PCDHA2: variants seen among roughly 807,000 people sequenced by gnomAD.
PCDHA2 encodes the protein protocadherin alpha-2.
In PCDHA2, 58 loss-of-function variants were observed where a neutral mutation model predicts 66.0. That is an observed-to-expected ratio of 0.88 (90% CI 0.71 to 1.09). The LOEUF is 1.09. Ranked by LOEUF, PCDHA2 falls within the 50% of genes least tolerant of loss-of-function variation. The pLI is 0.00. For missense variants in PCDHA2, 1,267 were observed against 1,242.3 expected (o/e 1.02, Z -0.30); for synonymous variants, 634 against 554.0 (o/e 1.14, Z -2.03).
At chr5:140,870,318 G>C in intron 1 of PCDHA2, 1 of 1,614,178 alleles carries the variant, frequency 6.2e-7, no homozygotes, top group Non-Finnish European at 8.5e-7. Flanking sequence ...ATTACTACTC[G>C]TTGGTGCTGG....
At chr5:140,809,613 TTTCTC>T in intron 1 of PCDHA2, 1 of 1,520,660 alleles carries the variant, frequency 6.6e-7, no homozygotes, top group Non-Finnish European at 8.8e-7. Flanking sequence ...TCGTATTGTT[TTTCTC>T]TATCAACTTC....
At position 140,942,589 on chromosome 5, in the gene PCDHA2, T is replaced by A. The variant is rs1444015331; in HGVS notation, c.2389-36360T>A. On this transcript the variant is annotated intron_variant, in intron 1 of 3. Coordinates refer to ENST00000526136, the MANE Select transcript of PCDHA2 (RefSeq NM_018905.3). ...AAATCTTCCCATATAGGATGTCACA[T>A]ATAATTATAGTGTTTATATTTGCCA... Among the ~76,000 whole-genome samples, 4 of 148,934 alleles carry A rather than the reference T, an allele frequency of 2.7e-5. No homozygotes were observed. In the Admixed American group the frequency reaches 2.7e-4, roughly 10 times the overall value.
Position 140,887,082 on chromosome 5 carries a change from CT to C in PCDHA2, c.2388+89731del, listed in dbSNP as rs781992332. On this transcript the variant is annotated intron_variant, in intron 1 of 3. Coordinates refer to ENST00000526136, the MANE Select transcript of PCDHA2 (RefSeq NM_018905.3). Reference sequence around the variant, plus strand: ...GGCAACAAATTCACTCAGCTTTTGTCTGAGAAATATCTTTATCTCTTTTTTT... The same window carrying C: ...GGCAACAAATTCACTCAGCTTTTGTCGAGAAATATCTTTATCTCTTTTTTT... 2.0e-5 allele frequency among the ~76,000 whole-genome samples: 3 copies of C among 151,694 alleles called. No individual in the cohort carries two copies. The East Asian group carries it at 5.8e-4, about 29-fold the overall frequency.
intron 1 of PCDHA2, chr5:140,861,363 G>A: frequency 2.8e-6 from 1 of 354,256 alleles, no homozygotes; most frequent in Non-Finnish European, 5.8e-6. Flanking sequence ...TAGCGTCTTC[G>A]CGGTCCCTAT....
intron 1 of PCDHA2, among the ~76,000 whole-genome samples, chr5:140,878,776 T>C (rs1437840291): frequency 2.0e-5 from 3 of 152,226 alleles, no homozygotes; most frequent in Non-Finnish European, 4.4e-5. Flanking sequence ...TGGAATATAG[T>C]ATATGTTCAA....
intron 3 of PCDHA2, among the ~76,000 whole-genome samples, chr5:140,996,592 C>T (rs2097733979): frequency 6.7e-6 from 1 of 149,052 alleles, no homozygotes; most frequent in African/African-American, 2.4e-5. Context: ...AGGGCCGCCT[C>T]CCCCCATTTT....
intron 1 of PCDHA2, chr5:140,803,316 G>A: frequency 6.2e-7 from 1 of 1,614,138 alleles, no homozygotes; most frequent in South Asian, 1.1e-5. Context: ...CATCTGCGCG[G>A]TGTCCAGTCT....
intron 1 of PCDHA2, among the ~76,000 whole-genome samples, chr5:140,914,030 G>A (rs2076568173): frequency 1.3e-5 from 2 of 152,180 alleles, no homozygotes; most frequent in South Asian, 4.1e-4. Flanking sequence ...CACGTGCTGA[G>A]AAGAATGTGT....
intron 1 of PCDHA2, among the ~76,000 whole-genome samples, chr5:140,907,449 A>G (rs1554192997): frequency 6.6e-6 from 1 of 152,232 alleles, no homozygotes; most frequent in Admixed American, 6.5e-5. Flanking sequence ...ACAGATGGTA[A>G]TCTTGGCAGA....
At chr5:140,809,474 G>A (rs150783892) in intron 1 of PCDHA2, 12 of 1,614,110 alleles carry the variant, frequency 7.4e-6, no homozygotes, top group Middle Eastern at 1.6e-4. Flanking sequence ...CTCTGGTGAG[G>A]GCCCACCCAA....
intron 1 of PCDHA2, chr5:140,858,598 T>C: frequency 7.7e-7 from 1 of 1,294,926 alleles, no homozygotes; most frequent in Non-Finnish European, 1.1e-6. Context: ...TTCCAGGAGT[T>C]TTAAAATTTT....
intron 1 of PCDHA2, chr5:140,807,223 G>T: frequency 6.2e-7 from 1 of 1,614,082 alleles, no homozygotes; most frequent in Non-Finnish European, 8.5e-7. Flanking sequence ...AGGAATCCCG[G>T]CGTCTGCTGC....
chr5:140,839,742 T>A (rs1554137563), intron 1 of PCDHA2, among the ~76,000 whole-genome samples: 2 of 152,054 alleles, frequency 1.3e-5, no homozygotes, highest in Non-Finnish European at 2.9e-5. Flanking sequence ...ATACCCTTAT[T>A]TGCCTTTCCT....
intron 1 of PCDHA2, chr5:140,883,703 G>C: frequency 6.2e-7 from 1 of 1,613,802 alleles, no homozygotes; most frequent in Non-Finnish European, 8.5e-7. Context: ...CACGGTGTCT[G>C]CTCAGGACGC....
In PCDHA2 at chr5:140,795,635, G is replaced by C. The variant is rs782208465; in HGVS notation, c.671G>C (p.Gly224Ala). The change falls in exon 1 of 4, where the codon GGC becomes GCC. Residue 224 changes from glycine (G) to alanine (A), a missense_variant. Gly to Ala is a moderately conservative substitution (Grantham distance 60). Transcript: ENST00000526136. ...ATDGGKPELTGTVQILIKVLD... is the reference protein window; with the variant it reads ...ATDGGKPELTATVQILIKVLD... ...GATGGGGGCAAACCTGAGCTCACGG[G>C]CACCGTTCAAATACTTATTAAGGTA... 5 of 1,613,996 alleles carry C rather than the reference G, an allele frequency of 3.1e-6. No individual in the cohort carries two copies. In the East Asian group the frequency reaches 1.1e-4, roughly 36 times the overall value.
At position 140,855,973 on chromosome 5, in the gene PCDHA2, T is replaced by A. The variant is rs371048948; in HGVS notation, c.2388+58621T>A. ...TTCGATAAAAAATAGATATAAGAAATAGGACAGAAAATGTCAGATCGTATG... is the reference window on the plus strand; with the variant it reads ...TTCGATAAAAAATAGATATAAGAAAAAGGACAGAAAATGTCAGATCGTATG... On this transcript the variant is annotated intron_variant, in intron 1 of 3. Coordinates refer to ENST00000526136, the MANE Select transcript of PCDHA2 (RefSeq NM_018905.3). 71 of 1,440,548 alleles carry A rather than the reference T, an allele frequency of 4.9e-5. 4 individuals are homozygous for A. The Middle Eastern group carries it at 9.2e-4, about 19-fold the overall frequency. The allele number at this position is 1,440,548 out of a possible 1,614,324, so 89.2% of individuals were successfully genotyped here.
chr5:140,858,813 G>A, intron 1 of PCDHA2: 1 of 351,180 alleles, frequency 2.8e-6, no homozygotes, highest in South Asian at 3.4e-5. Flanking sequence ...ATTTTGATTT[G>A]ATTGTATTTG....
chr5:140,871,433 T>C (rs2053076165), intron 1 of PCDHA2: 3 of 1,612,290 alleles, frequency 1.9e-6, no homozygotes, highest in Non-Finnish European at 2.5e-6. Flanking sequence ...AGTCTTCCTC[T>C]AGGTCTGAAT....
At chr5:140,805,637 T>C (rs547557832) in intron 1 of PCDHA2, 2 of 878,712 alleles carry the variant, frequency 2.3e-6, no homozygotes, top group African/African-American at 1.8e-5. Context: ...TGTGGTTTAT[T>C]TATTGGGAAG....
Sources: allele counts gnomAD v4.1 joint callset (sites outside exome capture counted in the v4.1 genomes callset), GRCh38; gene constraint gnomAD v4.1.1; transcripts MANE v1.5; gene names NCBI Gene and HGNC (gene_info 2026-07-23, HGNC 2026-07-21).